The following CRACD variants were observed in gnomAD, a reference collection of about 807,000 sequenced individuals.
CRACD encodes the protein capping protein-inhibiting regulator of actin dynamics.
CRACD carries 56 observed loss-of-function variants against 106.8 expected under a neutral mutation model. The ratio of observed to expected loss-of-function variants is 0.52; its 90% CI spans 0.42 to 0.66. CRACD has a LOEUF of 0.66. Ranked by LOEUF, CRACD falls within the 30% of genes least tolerant of loss-of-function variation. CRACD has a pLI of 0.00. For missense variants in CRACD, 1,730 were observed against 1,623.2 expected, an observed-to-expected ratio of 1.07 and a Z score of -1.13; for synonymous variants, 754 against 670.8, an observed-to-expected ratio of 1.12 and a Z score of -1.92.
intron 2 of CRACD, among the ~76,000 whole-genome samples, chr4:56,245,993 T>A (rs13111869): frequency 0.72 from 109,730 of 152,034 alleles, 39,707 homozygotes; most frequent in Middle Eastern, 0.85. Flanking sequence ...TAAAGAAGGA[T>A]TGTCTGGCAT....
intron 2 of CRACD, among the ~76,000 whole-genome samples, chr4:56,268,474 A>T (rs907058320): frequency 6.6e-6 from 1 of 152,190 alleles, no homozygotes; most frequent in Non-Finnish European, 1.5e-5. Context: ...TGTAAAAAAA[A>T]TTATTTTTAA....
chr4:56,184,614 A>G (rs867447921), intron 2 of CRACD, among the ~76,000 whole-genome samples: 1 of 152,014 alleles, frequency 6.6e-6, no homozygotes, highest in African/African-American at 2.4e-5. Flanking sequence ...TGCTCTTGCT[A>G]CTCCTGCAGC....
intron 3 of CRACD, chr4:56,288,399 C>G (rs888333894): frequency 8.9e-6 from 2 of 225,080 alleles, no homozygotes; most frequent in African/African-American, 4.5e-5. Context: ...CCGCTCCCTC[C>G]CTCTCTCCTA....
intron 1 of CRACD, among the ~76,000 whole-genome samples, chr4:56,131,272 G>A (rs964823717): frequency 4.6e-5 from 7 of 152,140 alleles, no homozygotes; most frequent in Non-Finnish European, 8.8e-5. Context: ...TCGATTAAGT[G>A]CTATAGTATC....
At chr4:56,209,822 G>T (rs1427596574) in intron 2 of CRACD, among the ~76,000 whole-genome samples, 1 of 152,120 alleles carries the variant, frequency 6.6e-6, no homozygotes, top group Admixed American at 6.5e-5. Flanking sequence ...GTAGGACACA[G>T]GTACCCTCCC....
chr4:56,127,629 T>G (rs1054634403), intron 1 of CRACD, among the ~76,000 whole-genome samples: 1 of 152,218 alleles, frequency 6.6e-6, no homozygotes, highest in Non-Finnish European at 1.5e-5. Flanking sequence ...TTATAGAATT[T>G]TCTACCTGTG....
intron 1 of CRACD, among the ~76,000 whole-genome samples, chr4:56,069,556 C>A (rs1305429079): frequency 6.6e-6 from 1 of 152,168 alleles, no homozygotes; most frequent in East Asian, 1.9e-4. Context: ...GTTCTCCCTT[C>A]CTAAGTATCA....
At chr4:56,254,807 TA>T (rs11289075) in intron 2 of CRACD, among the ~76,000 whole-genome samples, 44,408 of 147,648 alleles carry the variant, frequency 0.3, 7,066 homozygotes, top group Middle Eastern at 0.5. Flanking sequence ...CCCCTAGCTT[TA>T]AAAAAAAAAA....
At chr4:56,136,839 CA>C (rs1043370194) in intron 1 of CRACD, among the ~76,000 whole-genome samples, 1 of 152,156 alleles carries the variant, frequency 6.6e-6, no homozygotes, top group Non-Finnish European at 1.5e-5. Context: ...TTCAAGATAA[CA>C]AAGACTTTCT....
At chr4:56,258,017 C>A (rs954688877) in intron 2 of CRACD, among the ~76,000 whole-genome samples, 18 of 151,422 alleles carry the variant, frequency 1.2e-4, no homozygotes, top group African/African-American at 4.1e-4. Context: ...TGGCAGTGAG[C>A]CTAGATCGCA....
chr4:56,083,805 A>G (rs1279711036), intron 1 of CRACD, among the ~76,000 whole-genome samples: 1 of 152,018 alleles, frequency 6.6e-6, no homozygotes, highest in African/African-American at 2.4e-5. Flanking sequence ...GAGAAACCCC[A>G]TCTCTACAAA....
At chr4:56,105,927 A>ATTTTTTTTTTTTT (rs11314733) in intron 1 of CRACD, among the ~76,000 whole-genome samples, 1 of 143,326 alleles carries the variant, frequency 7.0e-6, no homozygotes. Flanking sequence ...TGAGAAATAG[A>ATTTTTTTTTTTTT]TTTTTTTTTT....
chr4:56,183,126 C>T (rs191757004), intron 2 of CRACD, among the ~76,000 whole-genome samples: 4 of 150,972 alleles, frequency 2.6e-5, no homozygotes, highest in South Asian at 2.1e-4. Flanking sequence ...CCAGCTACTC[C>T]GGAGGCTGAG....
chr4:56,265,534 C>T (rs1457582380), intron 2 of CRACD, among the ~76,000 whole-genome samples: 1 of 152,074 alleles, frequency 6.6e-6, no homozygotes, highest in African/African-American at 2.4e-5. Flanking sequence ...ACCCTAGTCT[C>T]ACTGGTTGTT....
intron 1 of CRACD, among the ~76,000 whole-genome samples, chr4:56,057,799 ATTTT>A (rs754198915): frequency 2.3e-5 from 1 of 43,482 alleles, no homozygotes; most frequent in Admixed American, 2.1e-4. Flanking sequence ...CATTTTTTGT[ATTTT>A]TTTTTTTTTT....
chr4:56,268,244 TC>T (rs1168457367), intron 2 of CRACD, among the ~76,000 whole-genome samples: 2 of 152,218 alleles, frequency 1.3e-5, no homozygotes, highest in African/African-American at 4.8e-5. Context: ...ATTATTAAAT[TC>T]CCCTGACTTT....
chr4:56,144,127 C>T (rs1201340872), intron 1 of CRACD, among the ~76,000 whole-genome samples: 1 of 152,036 alleles, frequency 6.6e-6, no homozygotes, highest in Non-Finnish European at 1.5e-5. Context: ...GTGAGAAGAC[C>T]TACAGGTGAG....
chr4:56,051,929 A>T (rs1355027571), intron 1 of CRACD, among the ~76,000 whole-genome samples: 1 of 152,218 alleles, frequency 6.6e-6, no homozygotes, highest in African/African-American at 2.4e-5. Flanking sequence ...TCCTATTTAG[A>T]ACATTTTTGT....
intron 2 of CRACD, among the ~76,000 whole-genome samples, chr4:56,245,137 C>T (rs1360824587): frequency 1.3e-5 from 2 of 152,214 alleles, no homozygotes; most frequent in Non-Finnish European, 2.9e-5. Flanking sequence ...GAAATAACCA[C>T]CCCCTTCTCA....
Sources: gnomAD v4.1 joint callset for allele counts (sites outside exome capture counted in the v4.1 genomes callset) on GRCh38, gnomAD v4.1.1 for gene constraint, MANE v1.5 for transcripts, NCBI Gene and HGNC (gene_info 2026-07-23, HGNC 2026-07-21) for gene names.